The following CFAP99 variants were observed in gnomAD, a reference collection of about 807,000 sequenced individuals.
CFAP99 encodes the protein cilia and flagella associated protein 99, also known as cilia- and flagella-associated protein 99.
In CFAP99, 84 loss-of-function variants were observed where a neutral mutation model predicts 82.7. That is an observed-to-expected ratio of 1.02 (90% confidence interval 0.85 to 1.22). The LOEUF (loss-of-function observed/expected upper bound fraction) is 1.22, where lower values mean the gene tolerates loss of function less well. CFAP99 is among the 50% of genes most tolerant of loss of function. The probability of loss-of-function intolerance (pLI) is 0.00; values close to 1 mark genes in which losing one functional copy is unlikely to be tolerated. For synonymous variants in CFAP99, 456 were observed against 429.5 expected (o/e 1.06, Z -0.76); for missense variants, 1,059 against 983.5 (o/e 1.08, Z -1.03).
intron 11 of CFAP99, among the ~76,000 whole-genome samples, chr4:2,457,158 G>A (rs1259818983): frequency 6.6e-6 from 1 of 151,778 alleles, no homozygotes; most frequent in East Asian, 1.9e-4. Flanking sequence ...CACTATGTTG[G>A]TCTCAAACTC....
exon 11 of CFAP99, chr4:2,452,288 T>G (rs1276590383): frequency 1.3e-6 from 2 of 1,535,630 alleles, no homozygotes; most frequent in East Asian, 4.9e-5. Context: ...GAGGCCGTCC[T>G]AGCCCGGCAG....
chr4:2,431,317 C>T (rs770866273), intron 2 of CFAP99, among the ~76,000 whole-genome samples: 122 of 150,352 alleles, frequency 8.1e-4, no homozygotes, highest in Non-Finnish European at 1.5e-3. Context: ...TGCAGTGAGT[C>T]GAGATCGCAC....
chr4:2,443,325 G>A (rs527373705), intron 5 of CFAP99, 83 bp downstream of exon 5: 150 of 811,294 alleles, frequency 1.8e-4, no homozygotes, highest in South Asian at 1.8e-3. Flanking sequence ...GGAGCTCCAC[G>A]TTCCCCTTCC....
At chr4:2,459,118 A>G in exon 13 of CFAP99, 1 of 1,520,584 alleles carries the variant, frequency 6.6e-7, no homozygotes, top group South Asian at 1.2e-5. Context: ...TCAGGAGGCG[A>G]TCGAGGAGAG....
intron 6 of CFAP99, among the ~76,000 whole-genome samples, chr4:2,447,929 G>GTGGGTGGA (rs1354861282): frequency 2.4e-4 from 34 of 139,858 alleles, no homozygotes; most frequent in African/African-American, 8.2e-4. Context: ...GAATGGATGG[G>GTGGGTGGA]TGGATGGATG....
intron 6 of CFAP99, among the ~76,000 whole-genome samples, chr4:2,449,232 T>G (rs1344222721): frequency 6.6e-6 from 1 of 152,024 alleles, no homozygotes; most frequent in Non-Finnish European, 1.5e-5. Flanking sequence ...GCCTCTGCAG[T>G]GTCCCCTCCC....
chr4:2,435,280 G>C (rs538318717), intron 2 of CFAP99, among the ~76,000 whole-genome samples: 80 of 140,380 alleles, frequency 5.7e-4, no homozygotes, highest in Middle Eastern at 7.6e-3. Flanking sequence ...CTGGGCGACA[G>C]AGCAAGACTC....
intron 1 of CFAP99, among the ~76,000 whole-genome samples, chr4:2,419,940 T>A (rs1011435923): frequency 5.3e-5 from 8 of 152,076 alleles, no homozygotes; most frequent in Non-Finnish European, 1.5e-5. Flanking sequence ...CAACCACTCC[T>A]CTGAAGCTCT....
At chr4:2,459,204 G>A (rs1734514954) in exon 13 of CFAP99, 2 of 1,535,582 alleles carry the variant, frequency 1.3e-6, no homozygotes, top group East Asian at 2.4e-5. Context: ...TCTCCCAGCT[G>A]CGCGCACTCG....
chr4:2,433,168 C>A (rs1733833668), intron 2 of CFAP99, among the ~76,000 whole-genome samples: 2 of 152,240 alleles, frequency 1.3e-5, no homozygotes, highest in Admixed American at 1.3e-4. Flanking sequence ...AGTGGCCCTG[C>A]CCAACCCGCC....
In CFAP99 at chr4:2,462,798, C is replaced by T; in HGVS notation, c.2017C>T (p.Pro673Ser). ...CGTCCCTGCCCGCGCCGACGCGTTC[C>T]CCGGCCTGCAGGCGCAGCTAGAGGC... The change falls in exon 15 of 15, where the codon CCC becomes TCC. Residue 673 changes from proline (P) to serine (S), a missense_variant. Physicochemically the swap from Pro to Ser is moderately conservative, Grantham distance 74. Coordinates refer to ENST00000635017, the Ensembl canonical transcript of CFAP99. This position sits in a 1 kb window ranked among gnomAD's most constrained non-coding sequence, Gnocchi z 4.1. 1.5e-6 allele frequency: 2 copies of T among 1,302,860 alleles called. No homozygotes were observed. Among genetic ancestry groups the T allele is most frequent in the East Asian group, 3.3e-5 (1 of 30,626 alleles). The allele number at this position is 1,302,860 out of a possible 1,614,324, so 80.7% of individuals were successfully genotyped here.
chr4:2,438,554 G>A (rs570809406), intron 4 of CFAP99, among the ~76,000 whole-genome samples: 5 of 152,190 alleles, frequency 3.3e-5, no homozygotes, highest in South Asian at 2.1e-4. Flanking sequence ...GAGCCACCAC[G>A]CCCGGCCTCT....
chr4:2,436,970 G>A lies in CFAP99; in HGVS notation c.208G>A (p.Val70Met), dbSNP rs116611463. The A allele has an allele frequency of 2.9e-3, 4,442 of 1,536,094 alleles. 15 individuals are homozygous for A. Among genetic ancestry groups the A allele is most frequent in the Non-Finnish European group, 3.6e-3 (4,120 of 1,146,874 alleles). The change falls in exon 3 of 15, where the codon GTG (valine) becomes ATG (methionine). Residue 70 changes from valine (V) to methionine (M), a missense_variant. Coordinates refer to ENST00000635017, the Ensembl canonical transcript of CFAP99. The stretch of plus-strand genomic sequence containing the variant: ...GACCGTCGTGGTGGATGCCTTCTAC[G>A]TGGAGGATGGCCGACTCTGCCTGCG...
chr4:2,437,939 G>T (rs1733951824), intron 3 of CFAP99, 131 bp from the exon 4 acceptor site: 2 of 586,836 alleles, frequency 3.4e-6, no homozygotes, highest in Non-Finnish European at 6.1e-6. Flanking sequence ...ATTTTCAGGT[G>T]GGCACCAATA....
chr4:2,450,824 G>A (rs910134301), intron 8 of CFAP99, 123 bp from the exon 9 acceptor site: 37 of 738,436 alleles, frequency 5.0e-5, no homozygotes, highest in Middle Eastern at 2.8e-4. Context: ...GCAGCTGGGG[G>A]GAGGATGAAG....
intron 6 of CFAP99, among the ~76,000 whole-genome samples, chr4:2,445,697 ACT>A: frequency 6.6e-6 from 1 of 151,892 alleles, no homozygotes; most frequent in African/African-American, 2.4e-5. Flanking sequence ...AGGCCTAGAG[ACT>A]CTTCCTCTCT....
exon 14 of CFAP99, chr4:2,460,067 T>A (rs1734580991): frequency 6.5e-7 from 1 of 1,535,798 alleles, no homozygotes; most frequent in Admixed American, 2.0e-5. Flanking sequence ...AGGAGAGATG[T>A]CCATAGTGGA....
chr4:2,454,593 T>C (rs846180), intron 11 of CFAP99, among the ~76,000 whole-genome samples: 4 of 110,626 alleles, frequency 3.6e-5, no homozygotes, highest in African/African-American at 1.3e-4. Context: ...TTTTTTTTTT[T>C]GTTTTTTTTT....
rs573032546 is a variant in CFAP99 at position 2,448,399 on chromosome 4, G to A, written c.643-1271G>A. ...ACATGTACCTTCTCTGCATCCACAG[G>A]GTGGCTGTGCTGAAACTATCCTCTA... On this transcript the variant is annotated intron_variant, in intron 6 of 14. Coordinates refer to ENST00000635017, the Ensembl canonical transcript of CFAP99. The surrounding 1 kb of genome is among the most constrained non-coding windows in gnomAD (Gnocchi z 5.2). 1.3e-5 allele frequency among the ~76,000 whole-genome samples: 2 copies of A among 152,240 alleles called. No individual in the cohort carries two copies. Among genetic ancestry groups the A allele is most frequent in the African/African-American group, 4.8e-5 (2 of 41,536 alleles).
Sources: allele counts gnomAD v4.1 joint callset (sites outside exome capture counted in the v4.1 genomes callset), GRCh38; gene constraint gnomAD v4.1.1; non-coding constraint Gnocchi (gnomAD v3.1); transcripts MANE v1.5; gene names NCBI Gene and HGNC (gene_info 2026-07-23, HGNC 2026-07-21).